Variants in TRPS1 observed in about 807,000 individuals in gnomAD.
TRPS1 encodes the protein transcriptional repressor GATA binding 1, also known as zinc finger transcription factor Trps1.
TRPS1 carries 6 observed loss-of-function variants against 101.2 expected under a neutral mutation model. That is an observed-to-expected ratio of 0.06 (90% CI 0.03 to 0.12). The LOEUF (loss-of-function observed/expected upper bound fraction) is 0.12. Among genes scored for constraint, TRPS1 ranks in the 10% least tolerant of loss-of-function variants. The pLI is 1.00. For synonymous variants in TRPS1, 578 were observed against 589.8 expected (o/e 0.98, Z 0.29); for missense variants, 1,363 against 1,567.0 (o/e 0.87, Z 2.20).
intron 5 of TRPS1, among the ~76,000 whole-genome samples, chr8:115,556,502 A>G (rs1394204564): frequency 6.6e-6 from 1 of 151,988 alleles, no homozygotes; most frequent in Non-Finnish European, 1.5e-5. Flanking sequence ...ATGGTCCTTT[A>G]TTTATTCTGT....
intron 5 of TRPS1, among the ~76,000 whole-genome samples, chr8:115,510,266 C>T (rs527788654): frequency 6.6e-6 from 1 of 152,020 alleles, no homozygotes; most frequent in Admixed American, 6.6e-5. Flanking sequence ...ATCTGTATAG[C>T]CATATAAACA....
chr8:115,493,814 T>C (rs2130114375), intron 5 of TRPS1, among the ~76,000 whole-genome samples: 1 of 152,330 alleles, frequency 6.6e-6, no homozygotes, highest in Admixed American at 6.5e-5. Flanking sequence ...ATGCTATAAA[T>C]GTAAATGTAA....
intron 1 of TRPS1, among the ~76,000 whole-genome samples, chr8:115,659,531 T>C (rs1277851379): frequency 6.6e-6 from 1 of 151,920 alleles, no homozygotes; most frequent in East Asian, 1.9e-4. Flanking sequence ...TGAATATGTA[T>C]TGAAAAATTT....
rs1818870897 is a variant in TRPS1, at chr8:115,640,512, A to T, written c.-121-16754T>A. 1.3e-5 allele frequency among the ~76,000 whole-genome samples: 2 copies of T among 152,222 alleles called. 1 individual carries two copies. The highest frequency in any genetic ancestry group is 4.1e-4 in the South Asian group (2 of 4,834). ...TTTAAAAGACACAGGTCTACTGTTC[A>T]AAACTGTTATCTGTCAGTGTTGTTC... is the stretch of plus-strand genomic sequence containing the variant. On this transcript the variant is annotated intron_variant, in intron 1 of 6. Transcript: ENST00000395715.
At chr8:115,627,289 CT>C (rs1818530900) in intron 1 of TRPS1, among the ~76,000 whole-genome samples, 1 of 151,716 alleles carries the variant, frequency 6.6e-6, no homozygotes, top group African/African-American at 2.4e-5. Flanking sequence ...ATTTGTTTCC[CT>C]GCAGAAAAGT....
intron 3 of TRPS1, among the ~76,000 whole-genome samples, chr8:115,615,916 T>G (rs929140154): frequency 6.6e-6 from 1 of 152,348 alleles, no homozygotes; most frequent in Non-Finnish European, 1.5e-5. Context: ...GCATCTATGA[T>G]TTTTACAAAT....
intron 5 of TRPS1, among the ~76,000 whole-genome samples, chr8:115,466,593 C>T (rs1297208018): frequency 2.6e-5 from 4 of 152,128 alleles, no homozygotes; most frequent in South Asian, 2.1e-4. Context: ...CATTAAGACA[C>T]AAACTGGCTG....
At chr8:115,498,169 G>C (rs1174384960) in intron 5 of TRPS1, among the ~76,000 whole-genome samples, 1 of 151,898 alleles carries the variant, frequency 6.6e-6, no homozygotes, top group African/African-American at 2.4e-5. Flanking sequence ...TTGAGCCCAG[G>C]AGTTTGAGAC....
At chr8:115,542,077 C>G (rs925171070) in intron 5 of TRPS1, among the ~76,000 whole-genome samples, 1 of 152,134 alleles carries the variant, frequency 6.6e-6, no homozygotes, top group African/African-American at 2.4e-5. Context: ...GATATGGAAG[C>G]CTAGCCAATA....
intron 2 of TRPS1, 99 bp from the exon 3 acceptor site, chr8:115,620,159 G>T: frequency 3.3e-6 from 4 of 1,230,486 alleles, no homozygotes; most frequent in Non-Finnish European, 4.5e-6. Context: ...TTTTTAAGGT[G>T]CATAATCAAA....
intron 2 of TRPS1, among the ~76,000 whole-genome samples, chr8:115,622,807 C>T (rs909182229): frequency 6.6e-6 from 1 of 152,016 alleles, no homozygotes; most frequent in African/African-American, 2.4e-5. Context: ...TAAGGTTAGC[C>T]TTCCATCAAA....
intron 5 of TRPS1, among the ~76,000 whole-genome samples, chr8:115,428,544 G>A (rs890806494): frequency 1.3e-5 from 2 of 152,144 alleles, no homozygotes; most frequent in Non-Finnish European, 1.5e-5. Flanking sequence ...AAAAACATAC[G>A]GGAATACATG....
At chr8:115,616,626 A>G (rs1372903223) in intron 3 of TRPS1, among the ~76,000 whole-genome samples, 2 of 152,078 alleles carry the variant, frequency 1.3e-5, no homozygotes, top group African/African-American at 2.4e-5. Context: ...AGGATTAATG[A>G]ATTCTTCATC....
At chr8:115,464,380 C>G (rs1180336482) in intron 5 of TRPS1, among the ~76,000 whole-genome samples, 1 of 152,038 alleles carries the variant, frequency 6.6e-6, no homozygotes, top group Non-Finnish European at 1.5e-5. Context: ...GGATAGAATT[C>G]AGTAGAGAAA....
intron 5 of TRPS1, among the ~76,000 whole-genome samples, chr8:115,529,548 C>T (rs1269950990): frequency 6.6e-6 from 1 of 152,058 alleles, no homozygotes; most frequent in Non-Finnish European, 1.5e-5. Context: ...CTTTCAACAT[C>T]TTAGTGCAGT....
At chr8:115,599,239 A>G (rs1817854675) in intron 4 of TRPS1, among the ~76,000 whole-genome samples, 1 of 152,086 alleles carries the variant, frequency 6.6e-6, no homozygotes, top group Admixed American at 6.6e-5. Flanking sequence ...TCTAATATGT[A>G]GTTTAATCAA....
chr8:115,653,425 C>T (rs1314546427), intron 1 of TRPS1, among the ~76,000 whole-genome samples: 3 of 151,960 alleles, frequency 2.0e-5, no homozygotes, highest in African/African-American at 7.3e-5. Context: ...CTCACCACAC[C>T]AAGAAAGAGA....
chr8:115,468,057 A>G (rs1393659855), intron 5 of TRPS1, among the ~76,000 whole-genome samples: 3 of 152,224 alleles, frequency 2.0e-5, no homozygotes, highest in Non-Finnish European at 2.9e-5. Context: ...CTGATAAGGA[A>G]TGACAAACTA....
At chr8:115,503,989 T>C (rs1317393265) in intron 5 of TRPS1, among the ~76,000 whole-genome samples, 1 of 152,228 alleles carries the variant, frequency 6.6e-6, no homozygotes, top group Non-Finnish European at 1.5e-5. Flanking sequence ...CAAATGTGTG[T>C]TTCATTAGAT....
Sources: allele counts gnomAD v4.1 joint callset (sites outside exome capture counted in the v4.1 genomes callset), GRCh38; gene constraint gnomAD v4.1.1; transcripts MANE v1.5; gene names NCBI Gene and HGNC (gene_info 2026-07-23, HGNC 2026-07-21).